Variants in RBFOX1 observed in about 807,000 individuals in gnomAD.
RBFOX1 encodes the protein RNA binding fox-1 homolog 1.
RBFOX1 carries 8 observed loss-of-function variants against 57.7 expected under a neutral mutation model. The ratio of observed to expected loss-of-function variants is 0.14; its 90% CI spans 0.08 to 0.25. RBFOX1 has a LOEUF of 0.25. RBFOX1 is among the 10% of genes least tolerant of loss of function. The pLI is 1.00. For synonymous variants in RBFOX1, 326 were observed against 222.4 expected (o/e 1.47, Z -4.15); for missense variants, 611 against 548.5 (o/e 1.11, Z -1.14).
intron 2 of RBFOX1, among the ~76,000 whole-genome samples, chr16:6,620,214 A>G (rs1257654274): frequency 6.6e-6 from 1 of 152,220 alleles, no homozygotes; most frequent in East Asian, 1.9e-4. Flanking sequence ...ATACAGTTAC[A>G]TGGAAATTGA....
intron 4 of RBFOX1, among the ~76,000 whole-genome samples, chr16:5,992,324 G>A (rs1185791551): frequency 1.3e-5 from 2 of 152,176 alleles, no homozygotes; most frequent in Non-Finnish European, 2.9e-5. Context: ...CATTGCTTAG[G>A]CAACTCTGTT....
chr16:7,528,602 A>C (rs1411117605), intron 5 of RBFOX1, among the ~76,000 whole-genome samples: 3 of 152,154 alleles, frequency 2.0e-5, no homozygotes, highest in Non-Finnish European at 4.4e-5. Flanking sequence ...CCTCAATAGC[A>C]GGGTACTGAG....
In RBFOX1 at chr16:5,525,328, T is replaced by A. The variant is rs541866680; in HGVS notation, c.258+58074T>A. The stretch of plus-strand genomic sequence containing the variant: ...CTTCTAAGAGTTTTATAGGAACCCT[T>A]CCTCTTGTTTTATACAACAGCTCTG... On this transcript the variant is annotated intron_variant, in intron 2 of 2. Transcript: ENST00000585867. Among the ~76,000 whole-genome samples the A allele has an allele frequency of 7.9e-5, 12 of 152,186 alleles. No homozygotes were observed. In the East Asian group the frequency reaches 2.1e-3, roughly 27 times the overall value.
chr16:6,033,456 A>C (rs537380450), intron 1 of RBFOX1, among the ~76,000 whole-genome samples: 1 of 152,220 alleles, frequency 6.6e-6, no homozygotes, highest in South Asian at 2.1e-4. Context: ...ACCCTTTCAT[A>C]TATATTTTAT....
At chr16:6,808,207 T>G (rs1196059867) in intron 3 of RBFOX1, among the ~76,000 whole-genome samples, 1 of 150,964 alleles carries the variant, frequency 6.6e-6, no homozygotes, top group Non-Finnish European at 1.5e-5. Flanking sequence ...TATAGTTCTA[T>G]TGAAGTATGC....
At chr16:5,689,820 G>A (rs897556101) in intron 3 of RBFOX1, among the ~76,000 whole-genome samples, 1 of 150,800 alleles carries the variant, frequency 6.6e-6, no homozygotes, top group African/African-American at 2.4e-5. Context: ...AAAAAAAGAA[G>A]GAACACATTT....
At chr16:6,244,537 T>C (rs1285765733) in intron 1 of RBFOX1, among the ~76,000 whole-genome samples, 1 of 152,200 alleles carries the variant, frequency 6.6e-6, no homozygotes, top group Non-Finnish European at 1.5e-5. Flanking sequence ...GGAGTCTCCC[T>C]CTGTAGCCCA....
chr16:6,127,232 C>A (rs947311279), intron 1 of RBFOX1, among the ~76,000 whole-genome samples: 2 of 151,620 alleles, frequency 1.3e-5, no homozygotes, highest in Non-Finnish European at 2.9e-5. Flanking sequence ...TGGGTTTAAA[C>A]AGCAGAACAA....
chr16:6,486,649 T>C (rs796794421), intron 2 of RBFOX1, among the ~76,000 whole-genome samples: 9 of 136,088 alleles, frequency 6.6e-5, no homozygotes, highest in African/African-American at 2.3e-4. Context: ...CTTGAACCCT[T>C]AATTTTATTA....
chr16:5,427,276 G>A (rs2067590296), intron 1 of RBFOX1, among the ~76,000 whole-genome samples: 1 of 152,188 alleles, frequency 6.6e-6, no homozygotes, highest in African/African-American at 2.4e-5. Context: ...CAGTTAAGGA[G>A]AATAGCAAGT....
intron 1 of RBFOX1, among the ~76,000 whole-genome samples, chr16:6,076,317 A>G (rs1419742087): frequency 6.6e-6 from 1 of 151,124 alleles, no homozygotes; most frequent in Non-Finnish European, 1.5e-5. Context: ...AAAAACAACA[A>G]ACGCACAAAC....
chr16:6,094,523 C>G (rs1403752364), intron 1 of RBFOX1, among the ~76,000 whole-genome samples: 1 of 152,040 alleles, frequency 6.6e-6, no homozygotes, highest in Admixed American at 6.6e-5. Context: ...AGCAAGCATT[C>G]CACTGGAAGC....
At chr16:7,083,294 G>A (rs374859699) in intron 4 of RBFOX1, among the ~76,000 whole-genome samples, 70 of 151,916 alleles carry the variant, frequency 4.6e-4, no homozygotes, top group African/African-American at 1.7e-3. Flanking sequence ...TCTCCTGCTT[G>A]TGTCACAGTG....
intron 2 of RBFOX1, among the ~76,000 whole-genome samples, chr16:5,509,935 G>A (rs1355321728): frequency 6.6e-6 from 1 of 152,194 alleles, no homozygotes; most frequent in Admixed American, 6.5e-5. Flanking sequence ...GAATGCCTTT[G>A]GTTTTAGCAG....
At chr16:5,886,638 A>G (rs1431532192) in intron 4 of RBFOX1, among the ~76,000 whole-genome samples, 1 of 152,228 alleles carries the variant, frequency 6.6e-6, no homozygotes, top group African/African-American at 2.4e-5. Context: ...CTGTCATCTC[A>G]GCACTTTGGG....
rs28582202 is a variant in RBFOX1 at position 5,325,966 on chromosome 16, A to T, written c.219+85861A>T. On this transcript the variant is annotated intron_variant, in intron 1 of 2. Coordinates refer to the RBFOX1 transcript ENST00000585867. ...CCTAGAAATGGAAATGCTAGGTCCT[A>T]TTGTGCTTACTGGAGTATTTACGTG... Among the ~76,000 whole-genome samples the T allele has an allele frequency of 2.7e-3, 412 of 152,284 alleles. 5 individuals are homozygous for T. The highest frequency in any genetic ancestry group is 9.3e-3 in the African/African-American group (387 of 41,548).
chr16:6,562,948 C>T (rs1364321676), intron 2 of RBFOX1, among the ~76,000 whole-genome samples: 1 of 144,900 alleles, frequency 6.9e-6, no homozygotes, highest in Non-Finnish European at 1.5e-5. Context: ...ATGAGTCCCA[C>T]AGCCCTTTCC....
intron 2 of RBFOX1, among the ~76,000 whole-genome samples, chr16:6,650,212 CTCACT>C (rs2098573397): frequency 6.6e-6 from 1 of 152,156 alleles, no homozygotes; most frequent in Non-Finnish European, 1.5e-5. Flanking sequence ...GTTGGAGAGT[CTCACT>C]TTGAGAAGCA....
chr16:7,602,978 C>T (rs913324578), intron 9 of RBFOX1, among the ~76,000 whole-genome samples: 1 of 152,134 alleles, frequency 6.6e-6, no homozygotes, highest in Non-Finnish European at 1.5e-5. Context: ...CAGTGTGCTC[C>T]TGAATGTCCA....
Sources: allele counts gnomAD v4.1 joint callset (sites outside exome capture counted in the v4.1 genomes callset), GRCh38; gene constraint gnomAD v4.1.1; transcripts MANE v1.5; gene names NCBI Gene and HGNC (gene_info 2026-07-23, HGNC 2026-07-21).